The following VPS13B variants were observed in gnomAD, a reference collection of about 807,000 sequenced individuals.
The protein encoded by VPS13B is intermembrane lipid transfer protein VPS13B.
VPS13B carries 285 observed loss-of-function variants against 426.4 expected under a neutral mutation model. That is an observed-to-expected ratio of 0.67 (90% confidence interval 0.61 to 0.74). The LOEUF (loss-of-function observed/expected upper bound fraction) is 0.74. Ranked by LOEUF, VPS13B falls within the 30% of genes least tolerant of loss-of-function variation. The pLI is 0.00. For missense variants in VPS13B, 4,537 were observed against 4,782.6 expected, an observed-to-expected ratio of 0.95 and a Z score of 1.51; for synonymous variants, 1,676 against 1,676.4, an observed-to-expected ratio of 1.00 and a Z score of 0.01.
chr8:99,048,400 T>C (rs1409268498), intron 3 of VPS13B, among the ~76,000 whole-genome samples: 1 of 152,230 alleles, frequency 6.6e-6, no homozygotes, highest in Non-Finnish European at 1.5e-5. Flanking sequence ...CCATTGTTTC[T>C]TTGTTGACTT....
At chr8:99,789,726 A>G (rs1812452297) in intron 43 of VPS13B, among the ~76,000 whole-genome samples, 1 of 152,148 alleles carries the variant, frequency 6.6e-6, no homozygotes, top group African/African-American at 2.4e-5. Context: ...ATTTTATGGG[A>G]TCTTTACATT....
At chr8:99,553,596 A>C (rs1308639506) in intron 30 of VPS13B, among the ~76,000 whole-genome samples, 1 of 152,080 alleles carries the variant, frequency 6.6e-6, no homozygotes, top group African/African-American at 2.4e-5. Flanking sequence ...TATAATAGTC[A>C]TATCAAAATA....
chr8:99,297,058 CAT>C (rs1304169401), intron 19 of VPS13B, among the ~76,000 whole-genome samples: 8 of 152,136 alleles, frequency 5.3e-5, no homozygotes, highest in African/African-American at 1.2e-4. Flanking sequence ...CTCGTGTACT[CAT>C]GTGAAATACA....
At chr8:99,221,100 C>A (rs1466534564) in intron 17 of VPS13B, among the ~76,000 whole-genome samples, 1 of 117,320 alleles carries the variant, frequency 8.5e-6, no homozygotes, top group Non-Finnish European at 1.7e-5. Flanking sequence ...CATCCATGTC[C>A]CTACAAAGGA....
intron 39 of VPS13B, among the ~76,000 whole-genome samples, chr8:99,761,398 A>G (rs1810923495): frequency 6.6e-6 from 1 of 152,108 alleles, no homozygotes; most frequent in South Asian, 2.1e-4. Flanking sequence ...CCTAAACCCC[A>G]CTGTTGGTGC....
chr8:99,855,101 C>T (rs1588788420), intron 56 of VPS13B, among the ~76,000 whole-genome samples: 3 of 152,270 alleles, frequency 2.0e-5, no homozygotes, highest in South Asian at 2.1e-4. Context: ...GGATAGCAGG[C>T]GCAGTGGCTC....
chr8:99,336,770 T>C (rs923729338), intron 19 of VPS13B, among the ~76,000 whole-genome samples: 24 of 152,100 alleles, frequency 1.6e-4, no homozygotes, highest in Admixed American at 2.0e-4. Context: ...AAATGCTGAC[T>C]ATCACTGGCC....
intron 19 of VPS13B, among the ~76,000 whole-genome samples, chr8:99,309,098 T>C (rs1820806418): frequency 6.6e-6 from 1 of 152,156 alleles, no homozygotes; most frequent in Admixed American, 6.5e-5. Context: ...GTCAGATGAG[T>C]AGATTGCAAA....
chr8:99,255,300 A>G (rs898986641), intron 17 of VPS13B, among the ~76,000 whole-genome samples: 10 of 152,160 alleles, frequency 6.6e-5, no homozygotes, highest in Non-Finnish European at 1.5e-4. Flanking sequence ...GCTTCAAGCA[A>G]AATGTTAATT....
intron 39 of VPS13B, among the ~76,000 whole-genome samples, chr8:99,749,124 A>G (rs145147409): frequency 1.4e-3 from 220 of 152,204 alleles, no homozygotes; most frequent in African/African-American, 4.9e-3. Flanking sequence ...TAGTAGATGT[A>G]TATATTTATG....
At chr8:99,014,422 T>A (rs1013768013) in intron 2 of VPS13B, among the ~76,000 whole-genome samples, 6 of 152,034 alleles carry the variant, frequency 3.9e-5, no homozygotes, top group Non-Finnish European at 7.4e-5. Context: ...CCGGCCTGCA[T>A]AATTTTTAAA....
intron 58 of VPS13B, 129 bp from the exon 59 acceptor site, chr8:99,868,160 G>A: frequency 1.8e-6 from 2 of 1,093,722 alleles, no homozygotes. Flanking sequence ...AAACAAATGG[G>A]TAGTAAAGAC....
chr8:99,027,129 G>A (rs924538673), intron 2 of VPS13B, among the ~76,000 whole-genome samples: 1 of 152,088 alleles, frequency 6.6e-6, no homozygotes, highest in Non-Finnish European at 1.5e-5. Flanking sequence ...TACCTGCCTC[G>A]GCCTCCCAAA....
At chr8:99,101,223 C>A (rs1846723462) in intron 4 of VPS13B, among the ~76,000 whole-genome samples, 1 of 152,138 alleles carries the variant, frequency 6.6e-6, no homozygotes, top group Non-Finnish European at 1.5e-5. Flanking sequence ...GCTCCGCCTC[C>A]TGGGTTCACA....
chr8:99,711,003 C>CTAAA (rs1463873448), intron 36 of VPS13B, among the ~76,000 whole-genome samples: 1 of 151,884 alleles, frequency 6.6e-6, no homozygotes. Context: ...GACTCTGCCT[C>CTAAA]TAAATAAATA....
At chr8:99,675,954 G>A (rs1830915762) in intron 35 of VPS13B, among the ~76,000 whole-genome samples, 1 of 151,864 alleles carries the variant, frequency 6.6e-6, no homozygotes, top group Non-Finnish European at 1.5e-5. Context: ...TTTTTCAGGG[G>A]TCGGTCACTA....
At chr8:99,587,053 A>G (rs1826340537) in intron 33 of VPS13B, among the ~76,000 whole-genome samples, 1 of 152,120 alleles carries the variant, frequency 6.6e-6, no homozygotes, top group South Asian at 2.1e-4. Flanking sequence ...GTTCCCACCT[A>G]TGAGTGAGAA....
At chr8:99,738,472 C>G (rs965415074) in intron 39 of VPS13B, among the ~76,000 whole-genome samples, 7 of 152,130 alleles carry the variant, frequency 4.6e-5, no homozygotes, top group African/African-American at 1.4e-4. Flanking sequence ...AATTTTTTCT[C>G]TTTCTTAAAA....
chr8:99,095,888 A>C (rs927975924), intron 3 of VPS13B, among the ~76,000 whole-genome samples: 1 of 152,168 alleles, frequency 6.6e-6, no homozygotes. Context: ...AAGATGACCA[A>C]GATAGCTTGG....
Sources: allele counts gnomAD v4.1 joint callset (sites outside exome capture counted in the v4.1 genomes callset), GRCh38; gene constraint gnomAD v4.1.1; transcripts MANE v1.5; gene names NCBI Gene and HGNC (gene_info 2026-07-23, HGNC 2026-07-21).